KIAA1328: variants seen among roughly 807,000 people sequenced by gnomAD.
KIAA1328 encodes KIAA1328, also known as protein hinderin.
In KIAA1328, 52 loss-of-function variants were observed where a neutral mutation model predicts 68.1. The observed-to-expected ratio is 0.76, with a 90% CI of 0.61 to 0.96. The LOEUF (loss-of-function observed/expected upper bound fraction) is 0.96, where lower values mean the gene tolerates loss of function less well. KIAA1328 is among the 40% of genes least tolerant of loss of function. The probability of loss-of-function intolerance (pLI) is 0.00; values close to 1 mark genes in which losing one functional copy is unlikely to be tolerated. For missense variants in KIAA1328, 641 were observed against 677.6 expected (o/e 0.95, Z 0.60); for synonymous variants, 232 against 239.4 (o/e 0.97, Z 0.28).
chr18:37,201,172 G>A (rs1274709211), intron 9 of KIAA1328, among the ~76,000 whole-genome samples: 1 of 152,102 alleles, frequency 6.6e-6, no homozygotes, highest in Admixed American at 6.5e-5. Context: ...ATAATTCCAT[G>A]ATTATAATTT....
At chr18:36,965,513 C>G (rs1207523680) in intron 6 of KIAA1328, among the ~76,000 whole-genome samples, 1 of 310 alleles carries the variant, frequency 3.2e-3, no homozygotes, top group Non-Finnish European at 6.8e-3. Flanking sequence ...ATTAGCCAGG[C>G]GTGGTGGCCA....
chr18:36,901,008 T>G (rs2049019283), intron 5 of KIAA1328, among the ~76,000 whole-genome samples: 1 of 152,078 alleles, frequency 6.6e-6, no homozygotes, highest in Non-Finnish European at 1.5e-5. Context: ...TATGAATAAC[T>G]ATATACCTGA....
chr18:36,990,099 C>T (rs1002625029), intron 6 of KIAA1328, among the ~76,000 whole-genome samples: 2 of 152,110 alleles, frequency 1.3e-5, no homozygotes, highest in African/African-American at 4.8e-5. Context: ...TCTAAGTGTT[C>T]TGTATTCTCC....
At chr18:36,882,410 C>G (rs956673765) in intron 4 of KIAA1328, among the ~76,000 whole-genome samples, 1 of 152,112 alleles carries the variant, frequency 6.6e-6, no homozygotes, top group African/African-American at 2.4e-5. Context: ...TAATGAATAT[C>G]AAATCTTGAG....
chr18:37,052,126 A>G (rs2055721719), intron 6 of KIAA1328, among the ~76,000 whole-genome samples: 1 of 152,166 alleles, frequency 6.6e-6, no homozygotes, highest in Non-Finnish European at 1.5e-5. Flanking sequence ...CAAACCCAGC[A>G]ACACATCAAA....
intron 9 of KIAA1328, among the ~76,000 whole-genome samples, chr18:37,207,460 T>G (rs974847276): frequency 6.6e-6 from 1 of 152,188 alleles, no homozygotes; most frequent in Non-Finnish European, 1.5e-5. Context: ...TTTAGGAACT[T>G]TTCAAAAGTG....
chr18:37,139,728 A>G (rs1421531916), intron 7 of KIAA1328, among the ~76,000 whole-genome samples: 1 of 152,166 alleles, frequency 6.6e-6, no homozygotes, highest in Non-Finnish European at 1.5e-5. Flanking sequence ...TGTTTTTATT[A>G]TGTCAAAGAT....
chr18:37,067,804 C>T (rs185963672), intron 7 of KIAA1328, among the ~76,000 whole-genome samples: 26 of 152,166 alleles, frequency 1.7e-4, no homozygotes, highest in Admixed American at 8.5e-4. Flanking sequence ...ATGATCCACC[C>T]GCCTTGACCT....
chr18:37,086,875 T>A (rs1197802489), intron 7 of KIAA1328, among the ~76,000 whole-genome samples: 1 of 152,246 alleles, frequency 6.6e-6, no homozygotes, highest in Non-Finnish European at 1.5e-5. Context: ...TATGCTGATA[T>A]GCATAAGTTA....
At chr18:37,205,508 A>G (rs1342151377) in intron 9 of KIAA1328, among the ~76,000 whole-genome samples, 1 of 152,210 alleles carries the variant, frequency 6.6e-6, no homozygotes, top group Admixed American at 6.5e-5. Flanking sequence ...GTTCCCATGC[A>G]TTTTCAACAT....
chr18:37,062,706 C>T (rs746348799), intron 6 of KIAA1328, among the ~76,000 whole-genome samples: 3 of 152,230 alleles, frequency 2.0e-5, no homozygotes, highest in African/African-American at 4.8e-5. Flanking sequence ...CTGCCTGCCT[C>T]GGCCTCCCAA....
intron 4 of KIAA1328, among the ~76,000 whole-genome samples, chr18:36,872,351 C>T (rs1212275311): frequency 6.6e-6 from 1 of 152,044 alleles, no homozygotes; most frequent in African/African-American, 2.4e-5. Context: ...CCCCCACCAT[C>T]AGACTAACAA....
intron 7 of KIAA1328, among the ~76,000 whole-genome samples, chr18:37,068,801 T>G (rs2151741882): frequency 6.6e-6 from 1 of 152,228 alleles, no homozygotes; most frequent in Non-Finnish European, 1.5e-5. Context: ...TTTTTTTTTC[T>G]TTTGGTAGAG....
intron 6 of KIAA1328, among the ~76,000 whole-genome samples, chr18:37,059,484 A>G (rs1338073198): frequency 2.0e-5 from 3 of 152,244 alleles, no homozygotes; most frequent in South Asian, 2.1e-4. Context: ...CAAAACCACA[A>G]TGAGATACCA....
intron 5 of KIAA1328, among the ~76,000 whole-genome samples, chr18:36,956,445 C>G (rs193137114): frequency 1.1e-3 from 160 of 151,560 alleles, no homozygotes; most frequent in Middle Eastern, 6.8e-3. Flanking sequence ...TTGTACCCCC[C>G]AAATCATTGA....
chr18:37,217,405 T>G (rs2060465079), intron 9 of KIAA1328, among the ~76,000 whole-genome samples: 1 of 152,154 alleles, frequency 6.6e-6, no homozygotes, highest in South Asian at 2.1e-4. Flanking sequence ...TATAAAGGAT[T>G]TTATTTTGCC....
At chr18:36,910,658 A>C (rs1034567133) in intron 5 of KIAA1328, among the ~76,000 whole-genome samples, 1 of 152,174 alleles carries the variant, frequency 6.6e-6, no homozygotes, top group African/African-American at 2.4e-5. Flanking sequence ...AATTCTGTGA[A>C]GAAAGTAATT....
chr18:37,049,619 G>C lies in KIAA1328; in HGVS notation c.577-17271G>C, dbSNP rs562301957. On this transcript the variant is annotated intron_variant, in intron 6 of 9. Transcript: ENST00000280020. ...AATCTCTTCGGTTTGGTAGTTCTCT[G>C]TGCCTTCAGAAATGCTTCTCACTCA... Among the ~76,000 whole-genome samples the C allele has an allele frequency of 5.3e-4, 81 of 152,234 alleles. 1 individual carries two copies. The highest frequency in any genetic ancestry group is 1.9e-3 in the African/African-American group (78 of 41,548).
At chr18:37,200,442 T>C (rs2060086635) in intron 9 of KIAA1328, among the ~76,000 whole-genome samples, 1 of 152,190 alleles carries the variant, frequency 6.6e-6, no homozygotes, top group South Asian at 2.1e-4. Flanking sequence ...AGCAAGTGGC[T>C]TTAAGAGATG....
Sources: allele counts gnomAD v4.1 joint callset (sites outside exome capture counted in the v4.1 genomes callset), GRCh38; gene constraint gnomAD v4.1.1; transcripts MANE v1.5; gene names NCBI Gene and HGNC (gene_info 2026-07-23, HGNC 2026-07-21).